Variants in HERPUD1 observed in about 807,000 individuals in gnomAD.
HERPUD1 encodes homocysteine-responsive endoplasmic reticulum-resident ubiquitin-like domain member 1 protein.
Under a neutral mutation model 45.0 loss-of-function variants are expected in HERPUD1, and 17 were observed. The observed-to-expected ratio is 0.38, with a 90% CI of 0.26 to 0.57. The LOEUF is 0.57. Among genes scored for constraint, HERPUD1 ranks in the 20% least tolerant of loss-of-function variants. The pLI, the probability that HERPUD1 is intolerant of heterozygous loss-of-function variation, is 0.72. For missense variants in HERPUD1, 420 were observed against 490.5 expected (o/e 0.86, Z 1.36); for synonymous variants, 164 against 177.5 (o/e 0.92, Z 0.61).
intron 5 of HERPUD1, 146 bp downstream of exon 5, chr16:56,939,505 G>C: frequency 3.8e-6 from 4 of 1,050,606 alleles, no homozygotes; most frequent in Middle Eastern, 3.2e-4. Context: ...TCTGTGGGTA[G>C]AGTGTAAATG....
chr16:56,941,953 A>G (rs936677867), intron 6 of HERPUD1, 179 bp from the exon 7 acceptor site: 1 of 573,620 alleles, frequency 1.7e-6, no homozygotes, highest in Non-Finnish European at 3.1e-6. Flanking sequence ...CCCTGCCTTC[A>G]AGGACCTTAC....
At chr16:56,938,341 A>G (rs567560098) in intron 4 of HERPUD1, among the ~76,000 whole-genome samples, 3 of 152,186 alleles carry the variant, frequency 2.0e-5, no homozygotes, top group African/African-American at 7.2e-5. Context: ...AGGTGGGCGG[A>G]TCACGAGGTC....
intron 7 of HERPUD1, 82 bp from the exon 8 acceptor site, chr16:56,943,044 C>T (rs1009935957): frequency 1.9e-5 from 28 of 1,444,486 alleles, no homozygotes; most frequent in Middle Eastern, 1.8e-4. Flanking sequence ...TTACCCTGCC[C>T]TTTCCTAACA....
chr16:56,938,400 A>G (rs2055882446), intron 4 of HERPUD1, among the ~76,000 whole-genome samples: 1 of 152,150 alleles, frequency 6.6e-6, no homozygotes, highest in Non-Finnish European at 1.5e-5. Context: ...CGTCTGTACT[A>G]AAAGTACAAA....
At chr16:56,939,739 T>A (rs571466152) in intron 5 of HERPUD1, among the ~76,000 whole-genome samples, 156 bp from the exon 6 acceptor site, 1 of 152,192 alleles carries the variant, frequency 6.6e-6, no homozygotes, top group Admixed American at 6.5e-5. Context: ...TTTATAGATA[T>A]AGTTAGTAAG....
Position 56,935,444 on chromosome 16 carries a change from G to A in HERPUD1, c.269G>A (p.Ser90Asn). 1 of 1,614,178 alleles carries A rather than the reference G, an allele frequency of 6.2e-7. No homozygotes were observed. The highest frequency in any genetic ancestry group is 2.2e-5 in the East Asian group (1 of 44,888). ...HVLHLVCNVK[S>N]PSKMPEINAK... is the part of the protein sequence containing the mutation. ...TTGCATCTGGTGTGCAATGTGAAGA[G>A]TCCTTCAAAAATGCCAGAAATCAAC... Residue 90 changes from serine to asparagine, a missense_variant, in exon 3 of 8, where the codon AGT (serine) becomes AAT (asparagine). Ser to Asn is a conservative substitution (Grantham distance 46). Transcript: ENST00000439977.
intron 6 of HERPUD1, chr16:56,941,000 A>C (rs1482305094): frequency 2.6e-5 from 4 of 152,164 alleles, no homozygotes; most frequent in Non-Finnish European, 5.9e-5. Context: ...GGCACTTTCG[A>C]TACAAGGAAT....
In HERPUD1 at chr16:56,943,470, C is replaced by A; in HGVS notation, c.*180C>A. Reference sequence around the variant, plus strand: ...TGAAGCCGTGATACAAATTGGTGAACAAAAAATGCCCAAGGCTTCTCATGT... The same window carrying A: ...TGAAGCCGTGATACAAATTGGTGAAAAAAAAATGCCCAAGGCTTCTCATGT... On this transcript the variant is annotated 3_prime_UTR_variant, in exon 8 of 8. Transcript: ENST00000439977. The A allele has an allele frequency of 2.4e-5, 17 of 716,648 alleles. No homozygotes were observed. Among genetic ancestry groups the A allele is most frequent in the Admixed American group, 1.5e-4 (7 of 45,622 alleles). 44.4% of individuals were successfully genotyped at this position (716,648 alleles called of 1,614,324 possible). A position where few individuals can be genotyped will look rare whatever the true frequency, so the allele number is the denominator to read the frequency against.
intron 4 of HERPUD1, 144 bp downstream of exon 4, chr16:56,936,961 G>A: frequency 1.3e-6 from 1 of 795,538 alleles, no homozygotes; most frequent in Non-Finnish European, 1.9e-6. Flanking sequence ...TCGCTTTAAA[G>A]ATCTCTTATA....
At chr16:56,934,702 CTTTTTTTTTTTT>C (rs869088050) in intron 1 of HERPUD1, among the ~76,000 whole-genome samples, 3 of 59,862 alleles carry the variant, frequency 5.0e-5, no homozygotes, top group South Asian at 7.2e-4. Context: ...ATTTGCCATT[CTTTTTTTTTTTT>C]TTTTTTTTTT....
intron 1 of HERPUD1, among the ~76,000 whole-genome samples, chr16:56,933,663 G>A (rs2055843958): frequency 6.6e-6 from 1 of 152,198 alleles, no homozygotes; most frequent in Admixed American, 6.5e-5. Flanking sequence ...TATTATGGCT[G>A]AAACATACTT....
chr16:56,942,468 CAT>C (rs2055918051), intron 7 of HERPUD1, among the ~76,000 whole-genome samples: 1 of 152,196 alleles, frequency 6.6e-6, no homozygotes, highest in Non-Finnish European at 1.5e-5. Context: ...AAGTAAATAA[CAT>C]TTTTTTAAAC....
chr16:56,933,485 G>A (rs1446365434), intron 1 of HERPUD1, among the ~76,000 whole-genome samples: 2 of 152,326 alleles, frequency 1.3e-5, no homozygotes, highest in East Asian at 1.9e-4. Context: ...TACACAAATT[G>A]GTGAAGCAGG....
chr16:56,934,239 C>T (rs186160999), intron 1 of HERPUD1, among the ~76,000 whole-genome samples: 47 of 152,186 alleles, frequency 3.1e-4, no homozygotes, highest in African/African-American at 1.1e-3. Flanking sequence ...ACAATTTAGA[C>T]GGAGTTTCAA....
chr16:56,940,074 G>T lies in HERPUD1; in HGVS notation c.734G>T (p.Arg245Leu), dbSNP rs147114813. Residue 245 changes from arginine to leucine, a missense_variant, in exon 6 of 8, where the codon CGG becomes CTG. By Grantham distance (102) the Arg-to-Leu change is moderately radical. Transcript: ENST00000439977. ...VVNPGANQNLRMNAQGGPIVE... is the reference protein window; with the variant it reads ...VVNPGANQNLLMNAQGGPIVE... ...AATCCTGGAGCCAATCAAAATTTGC[G>T]GATGAATGCACAAGGTGGCCCTATT... 11 of 1,614,052 alleles carry T rather than the reference G, an allele frequency of 6.8e-6. No homozygotes were observed. In the African/African-American group the frequency reaches 1.1e-4, roughly 16 times the overall value.
In HERPUD1 at chr16:56,932,311, G is replaced by C; in HGVS notation, c.67G>C (p.Asp23His). ...GAAGAGCCCCAACCAGCGCCACCGC[G>C]ACTTGGAGCTGAGTGGCGACCGCGG... The part of the protein sequence containing the change: ...LVKSPNQRHR[D>H]LELSGDRGWS... The change falls in exon 1 of 8, where the codon GAC (aspartate) becomes CAC (histidine). Residue 23 changes from aspartate to histidine, a missense_variant. By Grantham distance (81) the Asp-to-His change is moderately conservative. Transcript: ENST00000439977. 6.2e-7 allele frequency: 1 copy of C among 1,608,072 alleles called. No individual in the cohort carries two copies. Among genetic ancestry groups the C allele is most frequent in the Non-Finnish European group, 8.5e-7 (1 of 1,178,976 alleles).
At chr16:56,942,017 T>G in intron 6 of HERPUD1, 115 bp from the exon 7 acceptor site, 2 of 768,180 alleles carry the variant, frequency 2.6e-6, no homozygotes, top group South Asian at 1.5e-5. Flanking sequence ...TGTAGATGGG[T>G]CTTGCAGTGA....
rs373513557 is a variant in HERPUD1 at position 56,932,464 on chromosome 16, G to T, written c.147+73G>T. 9.3e-5 allele frequency: 126 copies of T among 1,355,016 alleles called. 1 individual carries two copies. The South Asian group carries it at 1.8e-3, about 19-fold the overall frequency. The allele number at this position is 1,355,016 out of a possible 1,614,324, so 83.9% of individuals were successfully genotyped here. A position where few individuals can be genotyped will look rare whatever the true frequency, so the allele number is the denominator to read the frequency against. On this transcript the variant is annotated intron_variant, in intron 1 of 7. Coordinates refer to ENST00000439977, the MANE Select transcript of HERPUD1 (RefSeq NM_014685.4). ...TCTGCTGGGGATGCCACGTCCGGCT[G>T]CCCTGTCCTGTGGCCTCCTCCCGCT... is the stretch of plus-strand genomic sequence containing the variant.
chr16:56,936,886 A>G, intron 4 of HERPUD1, 69 bp downstream of exon 4: 1 of 1,563,880 alleles, frequency 6.4e-7, no homozygotes, highest in South Asian at 1.1e-5. Flanking sequence ...ATTTAAGAAT[A>G]AGGTATGTTT....
Sources: allele counts gnomAD v4.1 joint callset (sites outside exome capture counted in the v4.1 genomes callset), GRCh38; gene constraint gnomAD v4.1.1; transcripts MANE v1.5; gene names NCBI Gene and HGNC (gene_info 2026-07-23, HGNC 2026-07-21).